Variants in SIK3 observed in about 807,000 individuals in gnomAD.
The protein encoded by SIK3 is SIK family kinase 3, also known as serine/threonine-protein kinase SIK3.
Under a neutral mutation model 144.2 loss-of-function variants are expected in SIK3, and 28 were observed. That is an observed-to-expected ratio of 0.19 (90% CI 0.14 to 0.27). The LOEUF (loss-of-function observed/expected upper bound fraction) is 0.27, where lower values mean the gene tolerates loss of function less well. Among genes scored for constraint, SIK3 ranks in the 10% least tolerant of loss-of-function variants. The probability of loss-of-function intolerance (pLI) is 1.00; values close to 1 mark genes in which losing one functional copy is unlikely to be tolerated. For synonymous variants in SIK3, 686 were observed against 676.3 expected (o/e 1.01, Z -0.22); for missense variants, 1,319 against 1,776.0 (o/e 0.74, Z 4.62).
intron 16 of SIK3, among the ~76,000 whole-genome samples, chr11:116,863,073 C>CAA (rs144760564): frequency 4.8e-4 from 56 of 115,482 alleles, no homozygotes; most frequent in African/African-American, 1.5e-3. Context: ...GACTTGGTCT[C>CAA]AAAAAAAAAA....
At chr11:117,016,286 A>T (rs553943989) in intron 1 of SIK3, among the ~76,000 whole-genome samples, 11 of 147,528 alleles carry the variant, frequency 7.5e-5, no homozygotes, top group African/African-American at 2.8e-4. Flanking sequence ...CGATCACGCC[A>T]CTGCACTCTA....
In SIK3 at chr11:116,898,504, T is replaced by G. The variant is rs1372776644; in HGVS notation, c.617-1187A>C. ...GGTATATACCCAGTAATGGGATGGC[T>G]GGGTCAAATGGTATTTCTAGTTCTA... is the stretch of plus-strand genomic sequence containing the variant. On this transcript the variant is annotated intron_variant, in intron 4 of 24. Transcript: ENST00000445177. Among the ~76,000 whole-genome samples the G allele has an allele frequency of 9.9e-5, 15 of 152,238 alleles. No individual in the cohort carries two copies. In the South Asian group the frequency reaches 3.1e-3, roughly 32 times the overall value.
chr11:117,076,877 C>G (rs1456149431), intron 1 of SIK3, among the ~76,000 whole-genome samples: 1 of 152,082 alleles, frequency 6.6e-6, no homozygotes, highest in Non-Finnish European at 1.5e-5. Flanking sequence ...GGAATGAGAC[C>G]AGGTGTGGCT....
chr11:116,962,406 T>C lies in SIK3; in HGVS notation c.274-5342A>G, dbSNP rs114942899. ...CAAAGAATATAGTGAGCAGACTGCA[T>C]GCTTTTTAGAAGGAAAGAGAAAACA... On this transcript the variant is annotated intron_variant, in intron 1 of 24. Coordinates refer to ENST00000445177, the MANE Select transcript of SIK3 (RefSeq NM_001366686.3). Among the ~76,000 whole-genome samples, 316 of 152,364 alleles carry C rather than the reference T, an allele frequency of 2.1e-3. 4 individuals are homozygous for C. Among genetic ancestry groups the C allele is most frequent in the African/African-American group, 7.0e-3 (292 of 41,592 alleles).
intron 1 of SIK3, among the ~76,000 whole-genome samples, chr11:117,041,472 T>TA (rs1179952678): frequency 6.6e-5 from 10 of 151,956 alleles, no homozygotes; most frequent in East Asian, 1.9e-4. Flanking sequence ...ACTTATTTAA[T>TA]AAAAAAAATC....
intron 21 of SIK3, among the ~76,000 whole-genome samples, chr11:116,851,132 C>T (rs1243141707): frequency 6.6e-6 from 1 of 152,210 alleles, no homozygotes; most frequent in Non-Finnish European, 1.5e-5. Flanking sequence ...CAAGGATAGT[C>T]AAGAAGACTA....
rs1163537366 is a variant in SIK3 at position 116,867,841 on chromosome 11, T to C, written c.1952+105A>G. The C allele has an allele frequency of 1.6e-6, 2 of 1,212,938 alleles. No individual in the cohort carries two copies. The highest frequency in any genetic ancestry group is 2.2e-6 in the Non-Finnish European group (2 of 892,982). 75.1% of individuals were successfully genotyped at this position (1,212,938 alleles called of 1,614,324 possible). A position where few individuals can be genotyped will look rare whatever the true frequency, so the allele number is the denominator to read the frequency against. On this transcript the variant is annotated intron_variant, in intron 15 of 24. Transcript: ENST00000445177. The surrounding 1 kb of genome is among the most constrained non-coding windows in gnomAD (Gnocchi z 4.1). ...ATGTGAGTTCAGGATGACAGCTGGC[T>C]TCTATTTAAAGCCACGATGCTAGTC...
chr11:116,890,903 A>G (rs1314038540), intron 6 of SIK3, among the ~76,000 whole-genome samples: 5 of 152,158 alleles, frequency 3.3e-5, no homozygotes, highest in Admixed American at 3.3e-4. Context: ...AGGTATTTCT[A>G]TGTCATTGTT....
At chr11:117,001,704 C>A (rs1451786723) in intron 1 of SIK3, among the ~76,000 whole-genome samples, 10 of 152,084 alleles carry the variant, frequency 6.6e-5, no homozygotes, top group Admixed American at 6.6e-4. Context: ...GATTCTCCCA[C>A]CTCGGCCTCC....
chr11:117,083,781 T>C (rs892714619), intron 1 of SIK3, among the ~76,000 whole-genome samples: 1 of 152,228 alleles, frequency 6.6e-6, no homozygotes, highest in Admixed American at 6.5e-5. Context: ...TCTTGCAGCA[T>C]ATGAACCAAG....
chr11:116,992,598 C>T (rs1221978942), intron 1 of SIK3, among the ~76,000 whole-genome samples: 1 of 152,144 alleles, frequency 6.6e-6, no homozygotes, highest in Non-Finnish European at 1.5e-5. Flanking sequence ...CATTTGTATA[C>T]AGAGAAGCAG....
chr11:117,087,555 T>C (rs2134056771), intron 1 of SIK3, among the ~76,000 whole-genome samples: 1 of 152,272 alleles, frequency 6.6e-6, no homozygotes, highest in African/African-American at 2.4e-5. Context: ...ACTATATCTA[T>C]GGGACTAGGT....
At chr11:116,923,749 G>C (rs1947130160) in intron 4 of SIK3, among the ~76,000 whole-genome samples, 1 of 152,186 alleles carries the variant, frequency 6.6e-6, no homozygotes, top group Non-Finnish European at 1.5e-5. Context: ...CAAAGTATAT[G>C]TGTTAACACA....
chr11:116,926,083 A>C (rs928932708), intron 4 of SIK3, among the ~76,000 whole-genome samples: 5 of 152,212 alleles, frequency 3.3e-5, no homozygotes, highest in African/African-American at 1.2e-4. Context: ...TATGATAAAA[A>C]TCCAAACTCT....
chr11:117,020,843 T>C (rs1951736186), intron 1 of SIK3, among the ~76,000 whole-genome samples: 1 of 152,222 alleles, frequency 6.6e-6, no homozygotes, highest in South Asian at 2.1e-4. Context: ...TCCTGAGTTC[T>C]GTGAGCCACT....
Position 116,844,107 on chromosome 11 carries a change from G to C in SIK3, c.*1536C>G, listed in dbSNP as rs1941733080. On this transcript the variant is annotated 3_prime_UTR_variant, in exon 25 of 25. Transcript: ENST00000445177. ...TCAGTGTATTCAAGGTCTCTCTCTT[G>C]TTTTGAAGATCAGAAGGAGATAACC... 6.6e-6 allele frequency: 1 copy of C among 152,150 alleles called. No individual in the cohort carries two copies. Among genetic ancestry groups the C allele is most frequent in the African/African-American group, 2.4e-5 (1 of 41,428 alleles). The allele number at this position is 152,150 out of a possible 1,614,324, so 9.4% of individuals were successfully genotyped here.
At chr11:116,932,933 A>C (rs572844857) in intron 3 of SIK3, among the ~76,000 whole-genome samples, 8 of 152,056 alleles carry the variant, frequency 5.3e-5, no homozygotes, top group Admixed American at 1.3e-4. Context: ...AGCATCTGCC[A>C]CCATGCCTAG....
intron 1 of SIK3, among the ~76,000 whole-genome samples, chr11:117,078,472 G>A (rs1368268319): frequency 2.1e-5 from 3 of 144,438 alleles, no homozygotes; most frequent in Non-Finnish European, 4.5e-5. Flanking sequence ...CTGTAGTGCA[G>A]TGGCATGATC....
Position 116,909,380 on chromosome 11 carries a change from T to A in SIK3, c.617-12063A>T, listed in dbSNP as rs528078477. Among the ~76,000 whole-genome samples the A allele has an allele frequency of 3.3e-5, 5 of 151,544 alleles. No homozygotes were observed. In the South Asian group the frequency reaches 6.3e-4, roughly 19 times the overall value. On this transcript the variant is annotated intron_variant, in intron 4 of 24. Coordinates refer to ENST00000445177, the MANE Select transcript of SIK3 (RefSeq NM_001366686.3). ...GATTAACACAAAAGTACAAAAAAAA[T>A]TTTTTTTCTCTTGGGGGAAGGATAT...
Sources: gnomAD v4.1 joint callset for allele counts (sites outside exome capture counted in the v4.1 genomes callset) on GRCh38, gnomAD v4.1.1 for gene constraint, Gnocchi (gnomAD v3.1) non-coding constraint, MANE v1.5 for transcripts, NCBI Gene and HGNC (gene_info 2026-07-23, HGNC 2026-07-21) for gene names.